Variants in NEGR1 observed in about 807,000 individuals in gnomAD.
NEGR1 encodes IgLON family member 4.
A neutral mutation model predicts 40.9 loss-of-function variants in NEGR1; 10 were observed. The observed-to-expected ratio is 0.24, with a 90% CI of 0.15 to 0.42. The LOEUF (loss-of-function observed/expected upper bound fraction) is 0.42, where lower values mean the gene tolerates loss of function less well. Among genes scored for constraint, NEGR1 ranks in the 10% least tolerant of loss-of-function variants. The probability of loss-of-function intolerance (pLI) is 1.00; values close to 1 mark genes in which losing one functional copy is unlikely to be tolerated. For missense variants in NEGR1, 352 were observed against 438.9 expected (o/e 0.80, Z 1.77); for synonymous variants, 185 against 166.8 (o/e 1.11, Z -0.84).
chr1:72,017,886 A>C (rs1196454145), intron 1 of NEGR1, among the ~76,000 whole-genome samples: 1 of 152,142 alleles, frequency 6.6e-6, no homozygotes, highest in Non-Finnish European at 1.5e-5. Context: ...GATATACCAT[A>C]CATACAAAAT....
At chr1:71,832,735 G>A (rs1179644112) in intron 2 of NEGR1, among the ~76,000 whole-genome samples, 1 of 151,918 alleles carries the variant, frequency 6.6e-6, no homozygotes, top group East Asian at 1.9e-4. Flanking sequence ...ACAAAGTCAA[G>A]GCCCAATTAG....
chr1:71,445,602 C>CA (rs879936466), intron 6 of NEGR1, among the ~76,000 whole-genome samples: 16 of 152,018 alleles, frequency 1.1e-4, no homozygotes, highest in Admixed American at 5.9e-4. Flanking sequence ...ATTCTCAAAA[C>CA]AAAAAAACTT....
At chr1:71,714,408 T>C (rs373645290) in intron 3 of NEGR1, among the ~76,000 whole-genome samples, 2 of 152,196 alleles carry the variant, frequency 1.3e-5, no homozygotes, top group African/African-American at 2.4e-5. Context: ...AACAAAATCA[T>C]GGCCTTCCAA....
intron 1 of NEGR1, among the ~76,000 whole-genome samples, chr1:72,266,695 G>C (rs1655650566): frequency 7.1e-6 from 1 of 140,834 alleles, no homozygotes; most frequent in Non-Finnish European, 1.5e-5. Flanking sequence ...AATGTACCAA[G>C]TGTGTGTGTA....
At chr1:71,692,087 A>T (rs1398366553) in intron 4 of NEGR1, among the ~76,000 whole-genome samples, 1 of 151,690 alleles carries the variant, frequency 6.6e-6, no homozygotes, top group Non-Finnish European at 1.5e-5. Flanking sequence ...TTTCCTGGAT[A>T]ATGAGTTTGA....
chr1:72,132,860 A>T (rs1488900921), intron 1 of NEGR1, among the ~76,000 whole-genome samples: 1 of 152,140 alleles, frequency 6.6e-6, no homozygotes, highest in Non-Finnish European at 1.5e-5. Flanking sequence ...TGACTAATCA[A>T]GAGTGGAGTA....
intron 1 of NEGR1, among the ~76,000 whole-genome samples, chr1:72,180,325 A>G (rs970381852): frequency 6.6e-6 from 1 of 152,062 alleles, no homozygotes; most frequent in African/African-American, 2.4e-5. Context: ...AAAACGGATA[A>G]AAGACCCAAA....
At chr1:72,091,812 A>G (rs1478917671) in intron 1 of NEGR1, among the ~76,000 whole-genome samples, 1 of 152,174 alleles carries the variant, frequency 6.6e-6, no homozygotes, top group Non-Finnish European at 1.5e-5. Flanking sequence ...GAAGTCCAAT[A>G]TCAAGATGCC....
At chr1:72,022,283 AT>A in intron 1 of NEGR1, among the ~76,000 whole-genome samples, 1 of 115,610 alleles carries the variant, frequency 8.6e-6, no homozygotes, top group African/African-American at 3.3e-5. Context: ...ATATATATAT[AT>A]ATATATATAT....
intron 6 of NEGR1, among the ~76,000 whole-genome samples, chr1:71,501,945 C>T (rs2101402057): frequency 6.6e-6 from 1 of 152,090 alleles, no homozygotes; most frequent in South Asian, 2.1e-4. Flanking sequence ...ACTTTTTTGT[C>T]CAACTTTCTG....
At chr1:72,091,962 T>C (rs985407601) in intron 1 of NEGR1, among the ~76,000 whole-genome samples, 1 of 152,124 alleles carries the variant, frequency 6.6e-6, no homozygotes, top group African/African-American at 2.4e-5. Flanking sequence ...CCCTATTCTT[T>C]TGACCTCACT....
At chr1:72,005,165 T>C (rs1402295247) in intron 1 of NEGR1, among the ~76,000 whole-genome samples, 1 of 152,136 alleles carries the variant, frequency 6.6e-6, no homozygotes, top group Non-Finnish European at 1.5e-5. Flanking sequence ...ATTTGGCACC[T>C]AAGCTCTGTT....
At chr1:71,853,537 A>G (rs1338314238) in intron 2 of NEGR1, among the ~76,000 whole-genome samples, 1 of 152,034 alleles carries the variant, frequency 6.6e-6, no homozygotes, top group Non-Finnish European at 1.5e-5. Context: ...AAATGCCATG[A>G]GCTATGTAGC....
chr1:71,878,731 A>T (rs566788705), intron 2 of NEGR1, among the ~76,000 whole-genome samples: 1 of 152,274 alleles, frequency 6.6e-6, no homozygotes, highest in African/African-American at 2.4e-5. Flanking sequence ...AGTATTTAAA[A>T]TATTTGTTAT....
intron 1 of NEGR1, among the ~76,000 whole-genome samples, chr1:71,979,889 C>G (rs889407052): frequency 3.3e-5 from 5 of 151,976 alleles, no homozygotes; most frequent in Non-Finnish European, 7.4e-5. Flanking sequence ...CCTTATGCAA[C>G]CAGAGAAATT....
At chr1:72,273,268 C>T (rs940168313) in intron 1 of NEGR1, among the ~76,000 whole-genome samples, 1 of 151,948 alleles carries the variant, frequency 6.6e-6, no homozygotes, top group African/African-American at 2.4e-5. Context: ...ATATTAACAG[C>T]AAATTCTTTC....
At chr1:71,731,617 TA>T (rs1445462867) in intron 3 of NEGR1, among the ~76,000 whole-genome samples, 1 of 152,222 alleles carries the variant, frequency 6.6e-6, no homozygotes, top group East Asian at 1.9e-4. Flanking sequence ...AAATTTCCTT[TA>T]AAAAGCACAC....
At chr1:71,904,331 C>T (rs11209866) in intron 2 of NEGR1, among the ~76,000 whole-genome samples, 3,359 of 151,834 alleles carry the variant, frequency 0.022, 67 homozygotes, top group Middle Eastern at 0.068. Flanking sequence ...GTGCCAATTC[C>T]GCACAAGTGG....
At chr1:71,464,450 C>T (rs567481206) in intron 6 of NEGR1, among the ~76,000 whole-genome samples, 108 of 152,124 alleles carry the variant, frequency 7.1e-4, no homozygotes, top group Non-Finnish European at 1.2e-3. Context: ...AAGCAACAAA[C>T]AATATCTAAT....
Sources: allele counts gnomAD v4.1 joint callset (sites outside exome capture counted in the v4.1 genomes callset), GRCh38; gene constraint gnomAD v4.1.1; transcripts MANE v1.5; gene names NCBI Gene and HGNC (gene_info 2026-07-23, HGNC 2026-07-21).